Variants in MDN1 observed in about 807,000 individuals in gnomAD.
MDN1 encodes midasin AAA ATPase 1.
A neutral mutation model predicts 669.2 loss-of-function variants in MDN1; 266 were observed. That is an observed-to-expected ratio of 0.40 (90% confidence interval 0.36 to 0.44). MDN1 has a LOEUF of 0.44. MDN1 is among the 20% of genes least tolerant of loss of function. MDN1 has a pLI of 1.00. For missense variants in MDN1, 5,940 were observed against 6,754.0 expected (o/e 0.88, Z 4.22); for synonymous variants, 2,385 against 2,457.1 (o/e 0.97, Z 0.87).
At chr6:89,677,016 CAAAAA>C (rs577064668) in intron 76 of MDN1, among the ~76,000 whole-genome samples, 2 of 80,268 alleles carry the variant, frequency 2.5e-5, no homozygotes, top group Non-Finnish European at 2.4e-5. Context: ...AATCAAAAGG[CAAAAA>C]AAAAAAAAAA....
At chr6:89,670,162 A>ATTTTTTTT (rs1562061975) in intron 83 of MDN1, among the ~76,000 whole-genome samples, 2 of 22,286 alleles carry the variant, frequency 9.0e-5, no homozygotes, top group African/African-American at 4.0e-4. Context: ...ATATATATAT[A>ATTTTTTTT]TATATATATT....
chr6:89,683,771 T>C (rs1811809860), intron 72 of MDN1, 60 bp downstream of exon 72: 2 of 1,308,094 alleles, frequency 1.5e-6, no homozygotes, highest in East Asian at 4.6e-5. Flanking sequence ...GTCGTTTTGC[T>C]CCCTACCACA....
Position 89,648,989 on chromosome 6 carries a change from T to TAAA in MDN1, c.16207-663_16207-661dup, listed in dbSNP as rs35332439. The stretch of plus-strand genomic sequence containing the variant: ...AAGCAACAGAGCAAGACCCTGTCTT[T>TAAA]AAAAAAAAAAAAAAAAAGAAAGAAA... On this transcript the variant is annotated intron_variant, in intron 97 of 101. Coordinates refer to ENST00000369393, the MANE Select transcript of MDN1 (RefSeq NM_014611.3). Among the ~76,000 whole-genome samples, 7 of 135,022 alleles carry TAAA rather than the reference T, an allele frequency of 5.2e-5. No individual in the cohort carries two copies. The East Asian group carries it at 1.5e-3, about 29-fold the overall frequency. The allele number at this position is 135,022 out of a possible 152,430, so 88.6% of individuals were successfully genotyped here. A position where few individuals can be genotyped will look rare whatever the true frequency, so the allele number is the denominator to read the frequency against.
rs144636738 is a variant in MDN1 at position 89,771,600 on chromosome 6, T to C, written c.2105A>G (p.Asn702Ser). ...TGCAGTATCACTTTGTTGATTCATATTGACAACCCTCAAACGGTGGCCTTT... is the reference window on the plus strand; with the variant it reads ...TGCAGTATCACTTTGTTGATTCATACTGACAACCCTCAAACGGTGGCCTTT... ...HITGHRLRVV[N>S]MNQQSDTADL... Residue 702 changes from asparagine to serine, a missense_variant, in exon 15 of 102, where the codon AAT (asparagine) becomes AGT (serine). Asn to Ser is a conservative substitution (Grantham distance 46). Transcript: ENST00000369393. 42 of 1,613,906 alleles carry C rather than the reference T, an allele frequency of 2.6e-5. No individual in the cohort carries two copies. Among genetic ancestry groups the C allele is most frequent in the Middle Eastern group, 1.6e-4 (1 of 6,084 alleles).
In MDN1 at chr6:89,702,060, A is replaced by G; in HGVS notation, c.8150T>C (p.Ile2717Thr). ...GMVSDASANE[I>T]LGSLRWRDRF... ...GTCCCGCCACCGCAGAGAACCTAAG[A>G]TCTAAAAACAAAGTCTCTTAGATAA... Residue 2717 changes from isoleucine (I) to threonine (T), a missense_variant and splice_region_variant, in exon 54 of 102, where the codon ATC becomes ACC. Transcript: ENST00000369393. 6.3e-7 allele frequency: 1 copy of G among 1,586,338 alleles called. No individual in the cohort carries two copies. Among genetic ancestry groups the G allele is most frequent in the Non-Finnish European group, 8.5e-7 (1 of 1,170,738 alleles).
In MDN1 at chr6:89,712,646, T is replaced by G. The variant is rs145055978; in HGVS notation, c.7359A>C (p.Thr2453=). Residue 2453 remains threonine (T), a synonymous_variant, in exon 48 of 102, where the codon ACA becomes ACC. Coordinates refer to ENST00000369393, the MANE Select transcript of MDN1 (RefSeq NM_014611.3). ...CTAAGATCTGTCCATCTCTTCGGAC[T>G]GTAGACAGGTGTGAATCTTCAGTAG... The part of the protein sequence containing the change: ...LFATEDSHLS[T]VRRDGQILVY... The G allele has an allele frequency of 7.4e-5, 120 of 1,614,204 alleles. No homozygotes were observed. In the African/African-American group the frequency reaches 1.4e-3, roughly 19 times the overall value.
intron 40 of MDN1, among the ~76,000 whole-genome samples, chr6:89,722,489 T>C (rs1814898408): frequency 6.6e-6 from 1 of 152,206 alleles, no homozygotes; most frequent in Non-Finnish European, 1.5e-5. Flanking sequence ...TACTCTATAT[T>C]GTGAGACCCC....
chr6:89,810,449 A>T (rs113531417), intron 1 of MDN1, among the ~76,000 whole-genome samples: 12 of 152,100 alleles, frequency 7.9e-5, no homozygotes, highest in Non-Finnish European at 5.9e-5. Context: ...AACACAAAAC[A>T]AAACAAAAAA....
intron 27 of MDN1, among the ~76,000 whole-genome samples, chr6:89,746,289 T>C (rs1816608620): frequency 6.6e-6 from 1 of 152,130 alleles, no homozygotes; most frequent in African/African-American, 2.4e-5. Flanking sequence ...TTGTTACACC[T>C]CACTAAAAAA....
chr6:89,711,366 C>A lies in MDN1; in HGVS notation c.7652-572G>T, dbSNP rs1813902804. Among the ~76,000 whole-genome samples the A allele has an allele frequency of 2.0e-5, 3 of 152,144 alleles. No homozygotes were observed. The South Asian group carries it at 6.2e-4, about 32-fold the overall frequency. ...AAAAAAACAAAAAATAAAAATACAA[C>A]AAAAATAATATAAATTTTAAAACAA... is the stretch of plus-strand genomic sequence containing the variant. On this transcript the variant is annotated intron_variant, in intron 49 of 101. Transcript: ENST00000369393.
chr6:89,750,339 G>C lies in MDN1; in HGVS notation c.3406+15C>G. On this transcript the variant is annotated intron_variant, in intron 24 of 101. Coordinates refer to ENST00000369393, the MANE Select transcript of MDN1 (RefSeq NM_014611.3). Reference sequence around the variant, plus strand: ...AATAAACACCTATGTCCATGGAATGGAATCTTAACCCTACCTTCCTTAAAG... The same window carrying C: ...AATAAACACCTATGTCCATGGAATGCAATCTTAACCCTACCTTCCTTAAAG... 6.3e-7 allele frequency: 1 copy of C among 1,590,640 alleles called. No individual in the cohort carries two copies. The highest frequency in any genetic ancestry group is 8.6e-7 in the Non-Finnish European group (1 of 1,160,712).
chr6:89,684,863 C>T lies in MDN1; in HGVS notation c.11829+13G>A, dbSNP rs1397092586. On this transcript the variant is annotated intron_variant, in intron 71 of 101. Coordinates refer to ENST00000369393, the MANE Select transcript of MDN1 (RefSeq NM_014611.3). ...GTCCTCCCAAGAGTGATCATGACAG[C>T]TGTTCATCTTACTTTAAGTTCTTTT... is the stretch of plus-strand genomic sequence containing the variant. The T allele has an allele frequency of 6.6e-7, 1 of 1,511,972 alleles. No individual in the cohort carries two copies. The highest frequency in any genetic ancestry group is 9.2e-7 in the Non-Finnish European group (1 of 1,088,172). 93.7% of individuals were successfully genotyped at this position (1,511,972 alleles called of 1,614,324 possible). A position where few individuals can be genotyped will look rare whatever the true frequency, so the allele number is the denominator to read the frequency against.
Position 89,643,904 on chromosome 6 carries a change from T to C in MDN1, c.*101A>G. 1 of 1,017,162 alleles carries C rather than the reference T, an allele frequency of 9.8e-7. No individual in the cohort carries two copies. Among genetic ancestry groups the C allele is most frequent in the East Asian group, 2.8e-5 (1 of 36,360 alleles). 63.0% of individuals were successfully genotyped at this position (1,017,162 alleles called of 1,614,324 possible). The stretch of plus-strand genomic sequence containing the variant: ...AAGATCACGTTGTAAAATAAAAATA[T>C]TACAATAAAATTTTTTGTAGTTGTC... On this transcript the variant is annotated 3_prime_UTR_variant, in exon 102 of 102. Transcript: ENST00000369393.
chr6:89,711,929 C>T (rs1813959541), intron 49 of MDN1, 107 bp downstream of exon 49: 12 of 1,039,630 alleles, frequency 1.2e-5, no homozygotes, highest in African/African-American at 1.6e-5. Flanking sequence ...GACCTCCCAA[C>T]TGTAATTTTA....
At chr6:89,648,168 A>C (rs939989506) in intron 98 of MDN1, 22 bp from the exon 99 acceptor site, 1 of 1,608,498 alleles carries the variant, frequency 6.2e-7, no homozygotes, top group Non-Finnish European at 8.5e-7. Context: ...AAAACCAAAT[A>C]CAACAGGAGT....
Position 89,712,205 on chromosome 6 carries a change from G to T in MDN1, c.7482C>A (p.Ser2494Arg). Reference sequence around the variant, plus strand: ...CTGCATTGAATTTCAGGTTCTCAGGGCTGGGGGACTGCATAATTTTCTCTA... The same window carrying T: ...CTGCATTGAATTTCAGGTTCTCAGGTCTGGGGGACTGCATAATTTTCTCTA... ...QDLEKIMQSP[S>R]PENLKFNAVE... Residue 2494 changes from serine to arginine, a missense_variant, in exon 49 of 102, where the codon AGC becomes AGA. Transcript: ENST00000369393. 6.2e-7 allele frequency: 1 copy of T among 1,614,142 alleles called. No individual in the cohort carries two copies. The highest frequency in any genetic ancestry group is 8.5e-7 in the Non-Finnish European group (1 of 1,180,010).
chr6:89,794,514 A>T lies in MDN1; in HGVS notation c.554+63T>A, dbSNP rs149043792. The T allele has an allele frequency of 6.1e-6, 9 of 1,477,300 alleles. No individual in the cohort carries two copies. In the East Asian group the frequency reaches 2.0e-4, roughly 34 times the overall value. 91.5% of individuals were successfully genotyped at this position (1,477,300 alleles called of 1,614,324 possible). A position where few individuals can be genotyped will look rare whatever the true frequency, so the allele number is the denominator to read the frequency against. ...TTTCCTTTCCCTCCTGACACACACA[A>T]CTCCACACATGCCCTGTACCATCCC... is the stretch of plus-strand genomic sequence containing the variant. On this transcript the variant is annotated intron_variant, in intron 3 of 101. Coordinates refer to ENST00000369393, the MANE Select transcript of MDN1 (RefSeq NM_014611.3).
chr6:89,761,779 A>C (rs757555572), intron 16 of MDN1, 31 bp from the exon 17 acceptor site: 3 of 1,449,188 alleles, frequency 2.1e-6, no homozygotes, highest in Admixed American at 3.6e-5. Context: ...TTCAGCACAC[A>C]TTTTGAATTG....
chr6:89,723,034 G>A lies in MDN1; in HGVS notation c.5888C>T (p.Ser1963Phe). 1 of 1,614,040 alleles carries A rather than the reference G, an allele frequency of 6.2e-7. No individual in the cohort carries two copies. The highest frequency in any genetic ancestry group is 8.5e-7 in the Non-Finnish European group (1 of 1,179,934). Residue 1963 changes from serine (S) to phenylalanine (F), a missense_variant, in exon 40 of 102, where the codon TCC becomes TTC. Around this residue, in one of 5 missense-constraint regions of MDN1, gnomAD observed 2,292 missense variants for 2,638.3 expected, o/e 0.87. Coordinates refer to ENST00000369393, the MANE Select transcript of MDN1 (RefSeq NM_014611.3). ...CTGACCAGGATCATAACACCCAGGGGACTGGTCAACCAGCATCAACTGACA... is the reference window on the plus strand; with the variant it reads ...CTGACCAGGATCATAACACCCAGGGAACTGGTCAACCAGCATCAACTGACA... The part of the protein sequence containing the change: ...RWCQLMLVDQ[S>F]PGCYDPGQHV...
Sources: allele counts gnomAD v4.1 joint callset (sites outside exome capture counted in the v4.1 genomes callset), GRCh38; gene constraint gnomAD v4.1.1; regional missense constraint gnomAD v4.1.1; transcripts MANE v1.5; gene names NCBI Gene and HGNC (gene_info 2026-07-23, HGNC 2026-07-21).